The following KANSL3 variants were observed in gnomAD, a reference collection of about 807,000 sequenced individuals.
KANSL3 encodes the protein NSL complex protein NSL3.
In KANSL3, 16 loss-of-function variants were observed where a neutral mutation model predicts 89.2. The observed-to-expected ratio is 0.18, with a 90% CI of 0.12 to 0.27. The LOEUF is 0.27. Ranked by LOEUF, KANSL3 falls within the 10% of genes least tolerant of loss-of-function variation. The probability of loss-of-function intolerance (pLI) is 1.00; values close to 1 mark genes in which losing one functional copy is unlikely to be tolerated. For missense variants in KANSL3, 879 were observed against 1,110.6 expected (o/e 0.79, Z 2.96); for synonymous variants, 385 against 419.7 (o/e 0.92, Z 1.01).
At chr2:96,606,948 G>A (rs1558680619) in intron 14 of KANSL3, 4 of 1,252,292 alleles carry the variant, frequency 3.2e-6, no homozygotes, top group Non-Finnish European at 4.2e-6. Context: ...TGGACGAGCA[G>A]GCAAGAAAGA....
chr2:96,633,568 C>CAA (rs749429125), intron 2 of KANSL3, among the ~76,000 whole-genome samples: 3 of 96,572 alleles, frequency 3.1e-5, no homozygotes, highest in African/African-American at 3.9e-5. Context: ...GACTCTGTCT[C>CAA]AAAAAAAAAA....
downstream of KANSL3, among the ~76,000 whole-genome samples, chr2:96,592,452 G>A (rs1449407304): frequency 1.3e-5 from 2 of 152,212 alleles, no homozygotes; most frequent in Non-Finnish European, 2.9e-5. Context: ...ACCTACTGAC[G>A]TAGGCTCAGC....
intron 15 of KANSL3, 35 bp downstream of exon 15, chr2:96,605,285 C>T (rs753616339): frequency 6.4e-7 from 1 of 1,569,596 alleles, no homozygotes; most frequent in South Asian, 1.1e-5. Flanking sequence ...CCTGAGAGAG[C>T]TCAGTTCTCA....
chr2:96,610,418 C>A, intron 11 of KANSL3: 1 of 207,024 alleles, frequency 4.8e-6, no homozygotes, highest in Non-Finnish European at 9.9e-6. Context: ...TGGGTTCACA[C>A]CATTCTCCTG....
rs2066365373 is a variant in KANSL3, at chr2:96,593,816, G to A, written c.*1795C>T. ...TTATTGTCCACTGCTCTTTTGGTGT[G>A]GTATGATCCTACCTGTAAAGCTATC... On this transcript the variant is annotated 3_prime_UTR_variant, in exon 21 of 21. Transcript: ENST00000431828. 6.5e-6 allele frequency: 1 copy of A among 153,936 alleles called. No individual in the cohort carries two copies. Among genetic ancestry groups the A allele is most frequent in the African/African-American group, 2.4e-5 (1 of 41,396 alleles). The allele number at this position is 153,936 out of a possible 1,614,324, so 9.5% of individuals were successfully genotyped here.
intron 14 of KANSL3, chr2:96,606,581 CA>C: frequency 5.7e-6 from 1 of 175,356 alleles, no homozygotes; most frequent in Non-Finnish European, 1.2e-5. Flanking sequence ...AAAGGAGTTT[CA>C]GGTTCTATGC....
intron 5 of KANSL3, among the ~76,000 whole-genome samples, chr2:96,616,003 C>T (rs958061915): frequency 5.3e-5 from 8 of 152,198 alleles, no homozygotes; most frequent in African/African-American, 1.7e-4. Context: ...TGAAATGAGA[C>T]AGGCTCTTTG....
Position 96,637,128 on chromosome 2 carries a change from T to C in KANSL3, c.8A>G (p.His3Arg). Reference sequence around the variant, plus strand: ...CTGGAAGTCCCTCTCCCCACCCCGGTGGGCCATGTCAGTGGAGGGGCAGAA... The same window carrying C: ...CTGGAAGTCCCTCTCCCCACCCCGGCGGGCCATGTCAGTGGAGGGGCAGAA... Reference protein sequence around the residue: MAHRGGERDFQTS... With the variant: MARRGGERDFQTS... The change falls in exon 2 of 21, where the codon CAC (histidine) becomes CGC (arginine). Residue 3 changes from histidine to arginine, a missense_variant. Transcript: ENST00000431828. 6.4e-7 allele frequency: 1 copy of C among 1,550,984 alleles called. No individual in the cohort carries two copies. The highest frequency in any genetic ancestry group is 2.4e-5 in the East Asian group (1 of 40,918).
At chr2:96,598,118 G>GT (rs1384924464) in intron 20 of KANSL3, 2 of 985,306 alleles carry the variant, frequency 2.0e-6, no homozygotes. Flanking sequence ...CAGGATCTGT[G>GT]TTCTAGTTGT....
intron 5 of KANSL3, chr2:96,615,455 A>G (rs973903131): frequency 8.9e-7 from 1 of 1,129,254 alleles, no homozygotes. Flanking sequence ...GACATTACAG[A>G]TGTGCAAATA....
the KANSL3 span, among the ~76,000 whole-genome samples, chr2:96,584,696 C>G: frequency 6.6e-6 from 1 of 152,114 alleles, no homozygotes; most frequent in Non-Finnish European, 1.5e-5. Flanking sequence ...CTGCAAATGA[C>G]AGAATTTTTT....
At chr2:96,598,112 A>G in intron 20 of KANSL3, 2 of 985,434 alleles carry the variant, frequency 2.0e-6, no homozygotes, top group Non-Finnish European at 2.4e-6. Context: ...ACGTGGCAGG[A>G]TCTGTGTTCT....
chr2:96,606,916 G>A (rs2068067913), intron 14 of KANSL3: 3 of 968,760 alleles, frequency 3.1e-6, no homozygotes, highest in African/African-American at 1.7e-5. Flanking sequence ...AAATAAATAA[G>A]GGGTTGAGGA....
intron 5 of KANSL3, chr2:96,615,363 T>A (rs1201710701): frequency 3.8e-6 from 1 of 260,758 alleles, no homozygotes; most frequent in Non-Finnish European, 7.0e-6. Context: ...AATCTGTTAT[T>A]ATGTACAAAA....
chr2:96,605,651 A>C, intron 14 of KANSL3, 140 bp from the exon 15 acceptor site: 1 of 653,092 alleles, frequency 1.5e-6, no homozygotes, highest in Non-Finnish European at 2.6e-6. Flanking sequence ...CCACCCCTCA[A>C]AGGAGACTGC....
Position 96,604,386 on chromosome 2 carries a change from G to A in KANSL3, c.2019-6C>T. On this transcript the variant is annotated splice_polypyrimidine_tract_variant and splice_region_variant and intron_variant, in intron 16 of 20. Coordinates refer to ENST00000431828, the MANE Select transcript of KANSL3 (RefSeq NM_001115016.3). ...CACCTTCAGAAGAACTGGACCTGGAGACAAAGGAAGGAGCTCTGTTATCCA... is the reference window on the plus strand; with the variant it reads ...CACCTTCAGAAGAACTGGACCTGGAAACAAAGGAAGGAGCTCTGTTATCCA... 1 of 1,609,150 alleles carries A rather than the reference G, an allele frequency of 6.2e-7. No homozygotes were observed. Among genetic ancestry groups the A allele is most frequent in the Non-Finnish European group, 8.5e-7 (1 of 1,179,578 alleles).
chr2:96,613,393 T>C (rs2069371255), intron 6 of KANSL3, 95 bp downstream of exon 6: 1 of 944,856 alleles, frequency 1.1e-6, no homozygotes. Context: ...TAATAATAAA[T>C]AGTTAAAGAA....
downstream of KANSL3, among the ~76,000 whole-genome samples, chr2:96,590,356 G>A (rs893830262): frequency 6.6e-6 from 1 of 151,394 alleles, no homozygotes; most frequent in Non-Finnish European, 1.5e-5. Flanking sequence ...ACCATGGCAC[G>A]ATCACAGCTC....
At chr2:96,622,347 A>C (rs1034272779) in intron 3 of KANSL3, among the ~76,000 whole-genome samples, 7 of 151,842 alleles carry the variant, frequency 4.6e-5, no homozygotes, top group Non-Finnish European at 8.8e-5. Flanking sequence ...GCTTGAGTCT[A>C]GGATATCAAG....
Sources: gnomAD v4.1 joint callset for allele counts (sites outside exome capture counted in the v4.1 genomes callset) on GRCh38, gnomAD v4.1.1 for gene constraint, MANE v1.5 for transcripts, NCBI Gene and HGNC (gene_info 2026-07-23, HGNC 2026-07-21) for gene names.